CASP9: variants seen among roughly 807,000 people sequenced by gnomAD.
CASP9 encodes the protein caspase-9.
In CASP9, 29 loss-of-function variants were observed where a neutral mutation model predicts 43.5. The ratio of observed to expected loss-of-function variants is 0.67; its 90% CI spans 0.50 to 0.91. The LOEUF is 0.91. CASP9 is among the 40% of genes least tolerant of loss of function. The pLI, the probability that CASP9 is intolerant of heterozygous loss-of-function variation, is 0.00. For synonymous variants in CASP9, 206 were observed against 211.9 expected (o/e 0.97, Z 0.24); for missense variants, 575 against 537.4 (o/e 1.07, Z -0.69).
At chr1:15,495,119 G>A (rs1489900219) in intron 7 of CASP9, among the ~76,000 whole-genome samples, 154 bp downstream of exon 7, 4 of 152,096 alleles carry the variant, frequency 2.6e-5, no homozygotes, top group East Asian at 1.9e-4. Context: ...AGCCTGAGCC[G>A]AGGCTCAGAG....
chr1:15,524,367 C>G (rs909919693), upstream of CASP9: 1 of 1,392,132 alleles, frequency 7.2e-7, no homozygotes, highest in African/African-American at 1.5e-5. Context: ...AGGCCTCGCC[C>G]CGCCCCCAGG....
At chr1:15,495,233 A>T in intron 7 of CASP9, 40 bp downstream of exon 7, 2 of 1,576,284 alleles carry the variant, frequency 1.3e-6, no homozygotes, top group Non-Finnish European at 1.7e-6. Context: ...AGACGGGAAG[A>T]CCCACTGGCT....
Position 15,516,682 on chromosome 1 carries a change from G to A in CASP9, c.418+1428C>T, listed in dbSNP as rs188357841. On this transcript the variant is annotated intron_variant, in intron 2 of 8. Transcript: ENST00000333868. ...GAAGTATAAGTTGGTAGCATCTATCGGACAGGAACAAGTACCCTTTAACAC... is the reference window on the plus strand; with the variant it reads ...GAAGTATAAGTTGGTAGCATCTATCAGACAGGAACAAGTACCCTTTAACAC... Among the ~76,000 whole-genome samples the A allele has an allele frequency of 4.6e-5, 7 of 152,140 alleles. No individual in the cohort carries two copies. In the East Asian group the frequency reaches 5.8e-4, roughly 13 times the overall value.
rs1708940207 is a variant in CASP9 at position 15,492,823 on chromosome 1, C to G, written c.*120G>C. The G allele has an allele frequency of 1.5e-6, 2 of 1,376,190 alleles. No individual in the cohort carries two copies. Among genetic ancestry groups the G allele is most frequent in the African/African-American group, 1.4e-5 (1 of 69,230 alleles). The allele number at this position is 1,376,190 out of a possible 1,614,324, so 85.2% of individuals were successfully genotyped here. A position where few individuals can be genotyped will look rare whatever the true frequency, so the allele number is the denominator to read the frequency against. On this transcript the variant is annotated 3_prime_UTR_variant, in exon 9 of 9. Transcript: ENST00000333868. ...CTGTCTGTCACTGGCAGAGAAAGAG[C>G]AGACCCTGTGCCGGCTGCAAAGTCC...
upstream of CASP9, chr1:15,524,485 C>A: frequency 1.2e-6 from 1 of 848,666 alleles, no homozygotes; most frequent in South Asian, 2.2e-5. Flanking sequence ...CGCTCCGCGT[C>A]ACCGCCCCGC....
chr1:15,509,635 C>CAA (rs1334952269), intron 2 of CASP9, among the ~76,000 whole-genome samples: 3 of 116,194 alleles, frequency 2.6e-5, no homozygotes, highest in African/African-American at 9.6e-5. Flanking sequence ...AACTCCATCT[C>CAA]AAAAAAAAAA....
At chr1:15,515,593 A>C (rs1398195535) in intron 2 of CASP9, among the ~76,000 whole-genome samples, 1 of 152,252 alleles carries the variant, frequency 6.6e-6, no homozygotes, top group Non-Finnish European at 1.5e-5. Context: ...CTAGAAATTA[A>C]AAAGAATGAA....
At chr1:15,517,937 G>A (rs922731720) in intron 2 of CASP9, among the ~76,000 whole-genome samples, 173 bp downstream of exon 2, 4 of 152,176 alleles carry the variant, frequency 2.6e-5, no homozygotes. Flanking sequence ...CAGAGGAGGG[G>A]CTGCCAAGAT....
chr1:15,524,822 C>G (rs1031284217), upstream of CASP9: 7 of 974,248 alleles, frequency 7.2e-6, no homozygotes, highest in South Asian at 4.4e-5. Context: ...AGGATTCGCT[C>G]TGCGTCATCG....
chr1:15,503,011 G>T (rs988853254), intron 6 of CASP9, among the ~76,000 whole-genome samples: 2 of 152,140 alleles, frequency 1.3e-5, no homozygotes, highest in East Asian at 3.9e-4. Flanking sequence ...TGGGTCCTCC[G>T]GGGTGGGAGC....
At position 15,518,177 on chromosome 1, in the gene CASP9, T is replaced by A; in HGVS notation, c.351A>T (p.Lys117Asn). Residue 117 changes from lysine to asparagine, a missense_variant, in exon 2 of 9, where the codon AAA becomes AAT. Coordinates refer to ENST00000333868, the MANE Select transcript of CASP9 (RefSeq NM_001229.5). ...GTGTTTCCGGTCTGAGAACCTCTGG[T>A]TTGCGAATCTCTGGTCTGAGCACCA... ...TPVVLRPEIR[K>N]PEVLRPETPR... 6.2e-7 allele frequency: 1 copy of A among 1,614,170 alleles called. No individual in the cohort carries two copies. Among genetic ancestry groups the A allele is most frequent in the Non-Finnish European group, 8.5e-7 (1 of 1,180,040 alleles).
chr1:15,512,270 A>T (rs1376831880), intron 2 of CASP9, among the ~76,000 whole-genome samples: 2 of 152,054 alleles, frequency 1.3e-5, no homozygotes, highest in East Asian at 3.9e-4. Context: ...GGGTACCCAA[A>T]TATTTGGTTA....
chr1:15,493,094 T>C, intron 8 of CASP9, 59 bp from the exon 9 acceptor site: 2 of 1,607,036 alleles, frequency 1.2e-6, no homozygotes, highest in African/African-American at 1.3e-5. Flanking sequence ...GAAGGAAGAA[T>C]TCAAGAGGGG....
chr1:15,494,725 T>C (rs1395442794), intron 7 of CASP9, among the ~76,000 whole-genome samples: 3 of 151,472 alleles, frequency 2.0e-5, no homozygotes, highest in Admixed American at 2.0e-4. Context: ...TAGCCAGGCG[T>C]GGTGGCAGGT....
At chr1:15,516,028 C>T (rs1709933671) in intron 2 of CASP9, among the ~76,000 whole-genome samples, 1 of 152,026 alleles carries the variant, frequency 6.6e-6, no homozygotes, top group African/African-American at 2.4e-5. Flanking sequence ...ATGGTGAAAC[C>T]CCATCTCTAC....
intron 2 of CASP9, among the ~76,000 whole-genome samples, chr1:15,515,376 C>A (rs1483231495): frequency 6.6e-6 from 1 of 152,188 alleles, no homozygotes; most frequent in African/African-American, 2.4e-5. Flanking sequence ...CATTATGCAG[C>A]AAGTACTCAA....
At chr1:15,498,400 A>G (rs1709193937) in intron 6 of CASP9, among the ~76,000 whole-genome samples, 1 of 151,814 alleles carries the variant, frequency 6.6e-6, no homozygotes, top group Non-Finnish European at 1.5e-5. Flanking sequence ...TGTTGCCCAG[A>G]TTGAAGTGGC....
chr1:15,497,211 T>C (rs1352425707), intron 6 of CASP9, among the ~76,000 whole-genome samples: 2 of 150,008 alleles, frequency 1.3e-5, no homozygotes, highest in Non-Finnish European at 3.0e-5. Flanking sequence ...CTTGGGAGGC[T>C]GAGGCAGGAA....
intron 2 of CASP9, among the ~76,000 whole-genome samples, chr1:15,516,079 G>A (rs557058704): frequency 2.3e-4 from 35 of 151,778 alleles, no homozygotes; most frequent in African/African-American, 8.2e-4. Flanking sequence ...GCGGCTGCCT[G>A]TAGTCCCAGC....
Sources: allele counts gnomAD v4.1 joint callset (sites outside exome capture counted in the v4.1 genomes callset), GRCh38; gene constraint gnomAD v4.1.1; transcripts MANE v1.5; gene names NCBI Gene and HGNC (gene_info 2026-07-23, HGNC 2026-07-21).